Variants in PRKAG2 observed in about 807,000 individuals in gnomAD.
PRKAG2 encodes 5'-AMP-activated protein kinase subunit gamma-2.
PRKAG2 carries 26 observed loss-of-function variants against 69.6 expected under a neutral mutation model. That is an observed-to-expected ratio of 0.37 (90% CI 0.27 to 0.52). The LOEUF (loss-of-function observed/expected upper bound fraction) is 0.52. PRKAG2 is among the 20% of genes least tolerant of loss of function. The pLI is 0.90. For missense variants in PRKAG2, 557 were observed against 740.0 expected, an observed-to-expected ratio of 0.75 and a Z score of 2.87; for synonymous variants, 293 against 285.0, an observed-to-expected ratio of 1.03 and a Z score of -0.28.
chr7:151,814,862 G>A lies in PRKAG2; in HGVS notation c.115-28321C>T. 2 of 1,231,764 alleles carry A rather than the reference G, an allele frequency of 1.6e-6. No homozygotes were observed. The highest frequency in any genetic ancestry group is 1.5e-5 in the African/African-American group (1 of 64,544). The allele number at this position is 1,231,764 out of a possible 1,614,324, so 76.3% of individuals were successfully genotyped here. ...TCCCACCTGTGTCAGGCGCTGCTGG[G>A]GAGGAAACTCCTTACCACACAGCAA... On this transcript the variant is annotated intron_variant, in intron 1 of 15. Coordinates refer to ENST00000287878, the MANE Select transcript of PRKAG2 (RefSeq NM_016203.4). This position sits in a 1 kb window ranked among gnomAD's most constrained non-coding sequence, Gnocchi z 4.8.
In PRKAG2 at chr7:151,807,098, G is replaced by A; in HGVS notation, c.115-20557C>T. On this transcript the variant is annotated intron_variant, in intron 1 of 15. Transcript: ENST00000287878. This position sits in a 1 kb window ranked among gnomAD's most constrained non-coding sequence, Gnocchi z 4.4. ...GGTGGGGAAGGGCAGAGGCTGTAAAGGGTCAGAGGGACCTTGTGGAGTGGT... is the reference window on the plus strand; with the variant it reads ...GGTGGGGAAGGGCAGAGGCTGTAAAAGGTCAGAGGGACCTTGTGGAGTGGT... 1 of 400,476 alleles carries A rather than the reference G, an allele frequency of 2.5e-6. No individual in the cohort carries two copies. Among genetic ancestry groups the A allele is most frequent in the East Asian group, 7.1e-5 (1 of 14,108 alleles). The allele number at this position is 400,476 out of a possible 1,614,324, so 24.8% of individuals were successfully genotyped here.
chr7:151,745,809 T>C (rs552679325), intron 3 of PRKAG2, among the ~76,000 whole-genome samples: 2 of 152,120 alleles, frequency 1.3e-5, no homozygotes, highest in Non-Finnish European at 2.9e-5. Flanking sequence ...GGAAGGGGCA[T>C]CGCATTCCCC....
At chr7:151,739,158 G>T (rs2073690132) in intron 3 of PRKAG2, among the ~76,000 whole-genome samples, 1 of 152,242 alleles carries the variant, frequency 6.6e-6, no homozygotes, top group Admixed American at 6.5e-5. Context: ...TGTAGCTGGA[G>T]CTGGTTCTAG....
intron 4 of PRKAG2, among the ~76,000 whole-genome samples, chr7:151,670,879 T>C (rs1275468336): frequency 7.6e-6 from 1 of 131,520 alleles, no homozygotes. Flanking sequence ...CATGATAAAA[T>C]GAGTGCTGTT....
chr7:151,588,795 C>T (rs1026619623), intron 6 of PRKAG2, among the ~76,000 whole-genome samples: 1 of 152,168 alleles, frequency 6.6e-6, no homozygotes, highest in Admixed American at 6.5e-5. Context: ...AACTGTGAGT[C>T]CATTAAATCT....
At chr7:151,758,922 C>A (rs2075256831) in intron 3 of PRKAG2, among the ~76,000 whole-genome samples, 1 of 152,166 alleles carries the variant, frequency 6.6e-6, no homozygotes, top group Non-Finnish European at 1.5e-5. Context: ...GGAGACCATG[C>A]TAATGTATCT....
chr7:151,841,399 G>A (rs950234640), intron 1 of PRKAG2, among the ~76,000 whole-genome samples: 4 of 151,794 alleles, frequency 2.6e-5, no homozygotes, highest in African/African-American at 9.7e-5. Context: ...AGTGATAGTA[G>A]GTAGTGATGG....
At chr7:151,640,098 G>T (rs2151361404) in intron 4 of PRKAG2, among the ~76,000 whole-genome samples, 1 of 152,194 alleles carries the variant, frequency 6.6e-6, no homozygotes, top group East Asian at 1.9e-4. Flanking sequence ...ATCACCTGAG[G>T]TCAGGAGTTC....
At chr7:151,858,836 A>C (rs1361487777) in intron 1 of PRKAG2, among the ~76,000 whole-genome samples, 1 of 152,190 alleles carries the variant, frequency 6.6e-6, no homozygotes, top group Non-Finnish European at 1.5e-5. Flanking sequence ...AGTGTGGAGC[A>C]CTTGGAGGGA....
chr7:151,708,321 G>A (rs1838968134), intron 3 of PRKAG2, among the ~76,000 whole-genome samples: 1 of 152,180 alleles, frequency 6.6e-6, no homozygotes, highest in African/African-American at 2.4e-5. Flanking sequence ...AATAACTCCT[G>A]GTGTCAGGCC....
intron 4 of PRKAG2, among the ~76,000 whole-genome samples, chr7:151,648,940 TAATAAAGA>T (rs1376430867): frequency 1.3e-5 from 2 of 151,864 alleles, no homozygotes; most frequent in Non-Finnish European, 2.9e-5. Context: ...AGAGACTACA[TAATAAAGA>T]AATAGAGTGT....
intron 3 of PRKAG2, among the ~76,000 whole-genome samples, chr7:151,684,660 G>A (rs965375093): frequency 1.3e-5 from 2 of 152,152 alleles, no homozygotes; most frequent in East Asian, 3.9e-4. Context: ...TGGGGGACAG[G>A]AGTGTGACAC....
chr7:151,688,230 G>A (rs912125766), intron 3 of PRKAG2, among the ~76,000 whole-genome samples: 5 of 152,142 alleles, frequency 3.3e-5, no homozygotes, highest in Admixed American at 3.3e-4. Context: ...GAATATTCCT[G>A]GGCAGGAGCC....
At chr7:151,702,922 G>A (rs1204702809) in intron 3 of PRKAG2, among the ~76,000 whole-genome samples, 3 of 152,172 alleles carry the variant, frequency 2.0e-5, no homozygotes, top group Non-Finnish European at 2.9e-5. Flanking sequence ...TTCCAGTTCC[G>A]AGAACTGGAG....
At chr7:151,825,266 G>C (rs937121266) in intron 1 of PRKAG2, among the ~76,000 whole-genome samples, 1 of 152,296 alleles carries the variant, frequency 6.6e-6, no homozygotes, top group Admixed American at 6.5e-5. Context: ...ATTGCTATTT[G>C]AATCAAATTC....
intron 3 of PRKAG2, among the ~76,000 whole-genome samples, chr7:151,723,486 C>T (rs773390999): frequency 8.5e-5 from 13 of 152,216 alleles, no homozygotes; most frequent in South Asian, 2.1e-4. Flanking sequence ...AACTGGCCCA[C>T]GCCCTAGGTC....
intron 6 of PRKAG2, among the ~76,000 whole-genome samples, chr7:151,589,571 G>C (rs11520868): frequency 8.5e-5 from 13 of 152,222 alleles, no homozygotes; most frequent in Non-Finnish European, 1.5e-4. Flanking sequence ...GTTAACATTT[G>C]CTTATGTTCT....
chr7:151,827,661 C>T (rs1313827022), intron 1 of PRKAG2, among the ~76,000 whole-genome samples: 1 of 137,652 alleles, frequency 7.3e-6, no homozygotes, highest in African/African-American at 2.7e-5. Context: ...GAGAAATATG[C>T]TTTTTACCAG....
intron 3 of PRKAG2, among the ~76,000 whole-genome samples, chr7:151,765,233 A>C (rs759686468): frequency 2.0e-5 from 3 of 152,228 alleles, no homozygotes; most frequent in Non-Finnish European, 4.4e-5. Context: ...CAGGAAACTT[A>C]CAATCATGGC....
Sources: allele counts gnomAD v4.1 joint callset (sites outside exome capture counted in the v4.1 genomes callset), GRCh38; gene constraint gnomAD v4.1.1; non-coding constraint Gnocchi (gnomAD v3.1); transcripts MANE v1.5; gene names NCBI Gene and HGNC (gene_info 2026-07-23, HGNC 2026-07-21).